The following ADGRG7 variants were observed in gnomAD, a reference collection of about 807,000 sequenced individuals.
The protein encoded by ADGRG7 is G-protein coupled receptor 128.
ADGRG7 carries 82 observed loss-of-function variants against 88.6 expected under a neutral mutation model. That is an observed-to-expected ratio of 0.93 (90% CI 0.77 to 1.11). The LOEUF (loss-of-function observed/expected upper bound fraction) is 1.11, where lower values mean the gene tolerates loss of function less well. ADGRG7 is among the 50% of genes most tolerant of loss of function. ADGRG7 has a pLI of 0.00. For synonymous variants in ADGRG7, 381 were observed against 345.2 expected (o/e 1.10, Z -1.15); for missense variants, 945 against 953.4 (o/e 0.99, Z 0.12).
chr3:100,656,401 A>G (rs7628074), intron 13 of ADGRG7, among the ~76,000 whole-genome samples: 2 of 152,234 alleles, frequency 1.3e-5, no homozygotes, highest in Admixed American at 6.5e-5. Context: ...AAAACATTTA[A>G]TAACTCGAAC....
In ADGRG7 at chr3:100,629,624, C is replaced by T; in HGVS notation, c.142C>T (p.Pro48Ser). 1.9e-6 allele frequency: 3 copies of T among 1,612,960 alleles called. No homozygotes were observed. The highest frequency in any genetic ancestry group is 2.5e-6 in the Non-Finnish European group (3 of 1,179,200). ...RGKSTSSSSTPTEFCRNGGTW... is the reference protein window; with the variant it reads ...RGKSTSSSSTSTEFCRNGGTW... ...AAAATCTACTTCCTCATCAAGCACC[C>T]CTACAGAGTTCTGCAGGAATGGTGG... is the stretch of plus-strand genomic sequence containing the variant. Residue 48 changes from proline (P) to serine (S), a missense_variant, in exon 2 of 16, where the codon CCT becomes TCT. Pro to Ser is a moderately conservative substitution (Grantham distance 74). Transcript: ENST00000273352.
chr3:100,648,583 A>G (rs1707797705), intron 10 of ADGRG7, among the ~76,000 whole-genome samples: 1 of 152,234 alleles, frequency 6.6e-6, no homozygotes, highest in African/African-American at 2.4e-5. Flanking sequence ...CAATTCAAGC[A>G]TAATGCTATT....
In ADGRG7 at chr3:100,635,852, A is replaced by G. The variant is rs532138567; in HGVS notation, c.597+26A>G. 13 of 1,573,942 alleles carry G rather than the reference A, an allele frequency of 8.3e-6. No individual in the cohort carries two copies. In the African/African-American group the frequency reaches 1.7e-4, roughly 20 times the overall value. On this transcript the variant is annotated intron_variant, in intron 5 of 15. Transcript: ENST00000273352. ...GTAAAACTCACAGAGCTTTAAAAAA[A>G]ATTTTTTTTTTATTTTTAGAGGGGG...
intron 15 of ADGRG7, among the ~76,000 whole-genome samples, chr3:100,673,183 C>G (rs1016118649): frequency 2.0e-5 from 3 of 152,168 alleles, no homozygotes; most frequent in Non-Finnish European, 4.4e-5. Flanking sequence ...GTGAATCCCT[C>G]TGGTCCTGGA....
At chr3:100,659,868 C>T (rs200285588) in intron 14 of ADGRG7, 25 bp downstream of exon 14, 1 of 1,609,212 alleles carries the variant, frequency 6.2e-7, no homozygotes, top group African/African-American at 1.3e-5. Flanking sequence ...GAATGGGAAG[C>T]TGCCAGGCAA....
At chr3:100,660,460 A>T (rs1022549725) in intron 14 of ADGRG7, among the ~76,000 whole-genome samples, 2 of 151,986 alleles carry the variant, frequency 1.3e-5, no homozygotes, top group African/African-American at 4.8e-5. Context: ...ACACAATACC[A>T]TGCCCAGCTA....
intron 14 of ADGRG7, among the ~76,000 whole-genome samples, chr3:100,664,893 T>A: frequency 6.6e-6 from 1 of 152,222 alleles, no homozygotes; most frequent in Non-Finnish European, 1.5e-5. Context: ...AAAGATGATT[T>A]CATCTTTGAT....
intron 1 of ADGRG7, among the ~76,000 whole-genome samples, chr3:100,613,836 T>C (rs2149010433): frequency 6.6e-6 from 1 of 152,234 alleles, no homozygotes; most frequent in Middle Eastern, 3.4e-3. Flanking sequence ...AAATGGACAC[T>C]TGAGAGTATA....
intron 9 of ADGRG7, chr3:100,646,311 G>A: frequency 1.6e-6 from 1 of 607,450 alleles, no homozygotes; most frequent in Non-Finnish European, 2.8e-6. Flanking sequence ...GAAATCTATA[G>A]CAAAACTCTT....
rs2094955159 is a variant in ADGRG7 at position 100,669,085 on chromosome 3, T to C, written c.2116T>C (p.Cys706Arg). The C allele has an allele frequency of 6.3e-7, 1 of 1,592,010 alleles. No individual in the cohort carries two copies. Among genetic ancestry groups the C allele is most frequent in the South Asian group, 1.2e-5 (1 of 84,994 alleles). ...SIRIVFSYIF[C>R]LFNTTQGLQI... Reference sequence around the variant, plus strand: ...CAGGATCGTCTTCAGCTACATATTCTGCCTTTTCAACACTACACAGGTATG... The same window carrying C: ...CAGGATCGTCTTCAGCTACATATTCCGCCTTTTCAACACTACACAGGTATG... The change falls in exon 15 of 16, where the codon TGC becomes CGC. Residue 706 changes from cysteine (C) to arginine (R), a missense_variant. Coordinates refer to ENST00000273352, the MANE Select transcript of ADGRG7 (RefSeq NM_032787.3).
At chr3:100,616,127 G>A (rs1434273058) in intron 1 of ADGRG7, among the ~76,000 whole-genome samples, 1 of 152,070 alleles carries the variant, frequency 6.6e-6, no homozygotes, top group African/African-American at 2.4e-5. Flanking sequence ...TACTACTGAT[G>A]GTGCCCCAGG....
At chr3:100,627,361 A>G (rs1707393992) in intron 1 of ADGRG7, among the ~76,000 whole-genome samples, 1 of 152,176 alleles carries the variant, frequency 6.6e-6, no homozygotes, top group Non-Finnish European at 1.5e-5. Flanking sequence ...TAATTAAATT[A>G]ATTGATTTTC....
chr3:100,643,248 G>C lies in ADGRG7; in HGVS notation c.699-18G>C. The C allele has an allele frequency of 1.2e-6, 2 of 1,607,072 alleles. No homozygotes were observed. Among genetic ancestry groups the C allele is most frequent in the Non-Finnish European group, 1.7e-6 (2 of 1,176,206 alleles). On this transcript the variant is annotated intron_variant, in intron 6 of 15. Coordinates refer to ENST00000273352, the MANE Select transcript of ADGRG7 (RefSeq NM_032787.3). ...ATGACAAAATCTTGAGTATTAAATTGTGTTTTATTATATGCAGGCTTATTG... is the reference window on the plus strand; with the variant it reads ...ATGACAAAATCTTGAGTATTAAATTCTGTTTTATTATATGCAGGCTTATTG...
chr3:100,686,889 T>C (rs570581433), intron 15 of ADGRG7, among the ~76,000 whole-genome samples: 9 of 152,336 alleles, frequency 5.9e-5, no homozygotes, highest in African/African-American at 2.2e-4. Context: ...GAACGAACTT[T>C]AAAGTAGTTT....
At chr3:100,638,132 T>A (rs1273214962) in intron 6 of ADGRG7, among the ~76,000 whole-genome samples, 2 of 152,334 alleles carry the variant, frequency 1.3e-5, no homozygotes, top group East Asian at 3.9e-4. Context: ...CCTTGTCACA[T>A]GGGGTGGCTG....
At chr3:100,662,733 A>G (rs1158143880) in intron 14 of ADGRG7, among the ~76,000 whole-genome samples, 3 of 152,150 alleles carry the variant, frequency 2.0e-5, no homozygotes, top group Admixed American at 6.5e-5. Flanking sequence ...AGTTGCTGCC[A>G]AAAAGGAAAG....
At chr3:100,678,748 T>C (rs72915291) in intron 15 of ADGRG7, among the ~76,000 whole-genome samples, 5,725 of 152,302 alleles carry the variant, frequency 0.038, 377 homozygotes, top group African/African-American at 0.13. Flanking sequence ...GAGAATTGCA[T>C]GGATTATGAG....
intron 15 of ADGRG7, among the ~76,000 whole-genome samples, chr3:100,681,735 G>A (rs1038032429): frequency 6.6e-6 from 1 of 152,160 alleles, no homozygotes; most frequent in African/African-American, 2.4e-5. Context: ...TTTACTCTCT[G>A]TAGTATGGAA....
chr3:100,672,050 G>A (rs531326525), intron 15 of ADGRG7, among the ~76,000 whole-genome samples: 32 of 152,244 alleles, frequency 2.1e-4, no homozygotes, highest in Admixed American at 1.6e-3. Context: ...CTCTTTTTTG[G>A]TTCCATATAA....
Sources: allele counts gnomAD v4.1 joint callset (sites outside exome capture counted in the v4.1 genomes callset), GRCh38; gene constraint gnomAD v4.1.1; transcripts MANE v1.5; gene names NCBI Gene and HGNC (gene_info 2026-07-23, HGNC 2026-07-21).